Variants in ATP6V1E1 observed in about 807,000 individuals in gnomAD.
ATP6V1E1 encodes ATPase H+ transporting V1 subunit E1.
Under a neutral mutation model 35.2 loss-of-function variants are expected in ATP6V1E1, and 21 were observed. The observed-to-expected ratio is 0.60, with a 90% confidence interval of 0.42 to 0.86. ATP6V1E1 has a LOEUF of 0.86. ATP6V1E1 is among the 40% of genes least tolerant of loss of function. The probability of loss-of-function intolerance (pLI) is 0.00; values close to 1 mark genes in which losing one functional copy is unlikely to be tolerated. For synonymous variants in ATP6V1E1, 83 were observed against 87.8 expected (o/e 0.95, Z 0.30); for missense variants, 183 against 272.6 (o/e 0.67, Z 2.32).
At chr22:17,599,520 T>A (rs1378055570) in intron 6 of ATP6V1E1, among the ~76,000 whole-genome samples, 2 of 134,482 alleles carry the variant, frequency 1.5e-5, no homozygotes, top group Non-Finnish European at 3.1e-5. Flanking sequence ...GAGGTTGCAG[T>A]GAGCCGAGAT....
chr22:17,603,968 C>T (rs1003998552), intron 4 of ATP6V1E1, among the ~76,000 whole-genome samples: 4 of 152,120 alleles, frequency 2.6e-5, no homozygotes, highest in African/African-American at 9.7e-5. Flanking sequence ...ACTTGTGGAG[C>T]GTGCTACTAG....
chr22:17,618,619 T>G (rs2057858426), intron 2 of ATP6V1E1, among the ~76,000 whole-genome samples: 1 of 149,528 alleles, frequency 6.7e-6, no homozygotes, highest in African/African-American at 2.5e-5. Context: ...GAGGTGGAGC[T>G]TGCAGTGAGC....
intron 2 of ATP6V1E1, among the ~76,000 whole-genome samples, chr22:17,613,686 G>A (rs2057826825): frequency 6.6e-6 from 1 of 152,242 alleles, no homozygotes; most frequent in African/African-American, 2.4e-5. Flanking sequence ...AGAAGATCCT[G>A]GCCGGGTGCG....
At chr22:17,598,129 G>A in intron 7 of ATP6V1E1, 65 bp downstream of exon 7, 1 of 1,253,994 alleles carries the variant, frequency 8.0e-7, no homozygotes. Context: ...TTTAAAAAAG[G>A]CCTGGTATAA....
chr22:17,597,959 G>A (rs1294151574), intron 7 of ATP6V1E1: 2 of 490,536 alleles, frequency 4.1e-6, no homozygotes, highest in African/African-American at 3.9e-5. Context: ...TTACAGGCGT[G>A]AGCCACCGCA....
intron 4 of ATP6V1E1, among the ~76,000 whole-genome samples, chr22:17,611,376 C>G (rs1289796719): frequency 6.6e-6 from 1 of 152,166 alleles, no homozygotes; most frequent in Non-Finnish European, 1.5e-5. Context: ...TTTGTATTTT[C>G]CCACATTCCT....
intron 4 of ATP6V1E1, among the ~76,000 whole-genome samples, chr22:17,610,215 G>A (rs764191771): frequency 4.0e-5 from 6 of 151,898 alleles, no homozygotes; most frequent in African/African-American, 4.8e-5. Flanking sequence ...TAATGAAAAC[G>A]TTAATTACGT....
Position 17,604,542 on chromosome 22 carries a change from C to T in ATP6V1E1, c.277-3361G>A, listed in dbSNP as rs568846000. ...TTGTTTTCTCTTTTTTTTTTTGAGA[C>T]GGAGTCTCGCTTTGTCGCCCAGGCT... On this transcript the variant is annotated intron_variant, in intron 4 of 8. Transcript: ENST00000253413. 9.5e-5 allele frequency among the ~76,000 whole-genome samples: 8 copies of T among 84,096 alleles called. No homozygotes were observed. In the East Asian group the frequency reaches 1.6e-3, roughly 17 times the overall value. The allele number at this position is 84,096 out of a possible 152,430, so 55.2% of individuals were successfully genotyped here. A position where few individuals can be genotyped will look rare whatever the true frequency, so the allele number is the denominator to read the frequency against.
chr22:17,617,138 G>C (rs1468635637), intron 2 of ATP6V1E1, among the ~76,000 whole-genome samples: 1 of 151,476 alleles, frequency 6.6e-6, no homozygotes, highest in Non-Finnish European at 1.5e-5. Flanking sequence ...TTAGTGAGAG[G>C]GAAAATAGTC....
intron 4 of ATP6V1E1, among the ~76,000 whole-genome samples, chr22:17,601,505 C>T (rs901706870): frequency 2.8e-4 from 42 of 152,074 alleles, no homozygotes; most frequent in Non-Finnish European, 5.4e-4. Flanking sequence ...AACGGTTATA[C>T]AAGATTACCC....
At chr22:17,593,931 G>A (rs1365697105) in intron 8 of ATP6V1E1, among the ~76,000 whole-genome samples, 3 of 152,162 alleles carry the variant, frequency 2.0e-5, no homozygotes, top group South Asian at 4.1e-4. Flanking sequence ...GTCTGAGCAC[G>A]GTGGCTCACA....
chr22:17,603,396 G>T (rs1601378269), intron 4 of ATP6V1E1, among the ~76,000 whole-genome samples: 1 of 151,872 alleles, frequency 6.6e-6, no homozygotes, highest in East Asian at 1.9e-4. Context: ...AGCACCTGTA[G>T]TCCCAGGTAC....
At position 17,623,923 on chromosome 22, in the gene ATP6V1E1, T is replaced by C. The variant is rs78293020; in HGVS notation, c.34-4397A>G. Reference sequence around the variant, plus strand: ...CCAAGAAGAGATATAGTCAACCCTTTAAGGACATTTAACTCCACCCCTAAG... The same window carrying C: ...CCAAGAAGAGATATAGTCAACCCTTCAAGGACATTTAACTCCACCCCTAAG... On this transcript the variant is annotated intron_variant, in intron 1 of 8. Coordinates refer to ENST00000253413, the MANE Select transcript of ATP6V1E1 (RefSeq NM_001696.4). Among the ~76,000 whole-genome samples the C allele has an allele frequency of 9.9e-3, 1,509 of 152,256 alleles. 20 individuals carry two copies. The highest frequency in any genetic ancestry group is 0.034 in the African/African-American group (1,410 of 41,558).
intron 1 of ATP6V1E1, among the ~76,000 whole-genome samples, chr22:17,620,039 G>T (rs975378992): frequency 2.0e-5 from 3 of 151,956 alleles, no homozygotes; most frequent in Non-Finnish European, 4.4e-5. Context: ...ACCCTTCTCT[G>T]TACTCCACTG....
intron 2 of ATP6V1E1, 89 bp downstream of exon 2, chr22:17,619,372 G>T: frequency 1.8e-6 from 2 of 1,125,860 alleles, no homozygotes; most frequent in Non-Finnish European, 2.6e-6. Context: ...GCAATCTGTT[G>T]TTAAGCAGTT....
At chr22:17,616,058 C>CAAAA (rs1384733803) in intron 2 of ATP6V1E1, among the ~76,000 whole-genome samples, 1 of 150,436 alleles carries the variant, frequency 6.6e-6, no homozygotes, top group African/African-American at 2.5e-5. Context: ...AACAAACAAA[C>CAAAA]AAACAAAAGC....
At chr22:17,624,532 C>A (rs2057893931) in intron 1 of ATP6V1E1, among the ~76,000 whole-genome samples, 1 of 151,504 alleles carries the variant, frequency 6.6e-6, no homozygotes, top group Non-Finnish European at 1.5e-5. Context: ...CCAGCCTGGG[C>A]AAGAGAGCGA....
intron 7 of ATP6V1E1, among the ~76,000 whole-genome samples, chr22:17,597,812 G>C (rs2057740038): frequency 6.6e-6 from 1 of 152,082 alleles, no homozygotes; most frequent in Non-Finnish European, 1.5e-5. Flanking sequence ...TGTATTTTTA[G>C]TAGAGACAGG....
intron 4 of ATP6V1E1, among the ~76,000 whole-genome samples, chr22:17,605,649 G>A (rs542105208): frequency 6.6e-6 from 1 of 151,238 alleles, no homozygotes; most frequent in African/African-American, 2.4e-5. Context: ...ACTCTACCTA[G>A]GTGATCTAAT....
Sources: allele counts gnomAD v4.1 joint callset (sites outside exome capture counted in the v4.1 genomes callset), GRCh38; gene constraint gnomAD v4.1.1; transcripts MANE v1.5; gene names NCBI Gene and HGNC (gene_info 2026-07-23, HGNC 2026-07-21).